Variants in ALDH3B1 observed in about 807,000 individuals in gnomAD.
The protein encoded by ALDH3B1 is aldehyde dehydrogenase family 3 member B1.
Under a neutral mutation model 46.2 loss-of-function variants are expected in ALDH3B1, and 37 were observed. The observed-to-expected ratio is 0.80, with a 90% CI of 0.62 to 1.05. ALDH3B1 has a LOEUF of 1.05. ALDH3B1 is among the 50% of genes least tolerant of loss of function. The pLI is 0.00. For synonymous variants in ALDH3B1, 283 were observed against 281.0 expected (o/e 1.01, Z -0.07); for missense variants, 603 against 665.5 (o/e 0.91, Z 1.03).
chr11:68,011,038 C>T (rs1857218917), intron 1 of ALDH3B1, among the ~76,000 whole-genome samples: 1 of 152,224 alleles, frequency 6.6e-6, no homozygotes. Flanking sequence ...ATACGCTGGT[C>T]CCTGGCTCCC....
In ALDH3B1 at chr11:68,021,528, G is replaced by A; in HGVS notation, c.606G>A (p.Lys202=). The change falls in exon 7 of 10, where the codon AAG becomes AAA. Residue 202 remains lysine, a synonymous_variant. Coordinates refer to ENST00000342456, the MANE Select transcript of ALDH3B1 (RefSeq NM_000694.4). ...VGKIVMTAAA[K]HLTPVTLELG... ...AGATTGTTATGACTGCTGCCGCCAA[G>A]CACCTGACACCTGTCACCCTGGAGC... is the stretch of plus-strand genomic sequence containing the variant. 6 of 1,613,918 alleles carry A rather than the reference G, an allele frequency of 3.7e-6. No individual in the cohort carries two copies. The highest frequency in any genetic ancestry group is 5.1e-6 in the Non-Finnish European group (6 of 1,179,908).
rs1857421436 is a variant in ALDH3B1, at chr11:68,018,974, G to A, written c.394+81G>A. On this transcript the variant is annotated intron_variant, in intron 4 of 9. Coordinates refer to ENST00000342456, the MANE Select transcript of ALDH3B1 (RefSeq NM_000694.4). ...CACCCATGGATCCCAGGAGGACATG[G>A]GAGAACTGGCCCAGGTGGCAAAGAG... The A allele has an allele frequency of 6.7e-6, 10 of 1,502,268 alleles. No individual in the cohort carries two copies. In the South Asian group the frequency reaches 1.3e-4, roughly 19 times the overall value. 93.1% of individuals were successfully genotyped at this position (1,502,268 alleles called of 1,614,324 possible).
chr11:68,010,933 C>G (rs1857216315), intron 1 of ALDH3B1, among the ~76,000 whole-genome samples: 1 of 152,216 alleles, frequency 6.6e-6, no homozygotes, highest in Non-Finnish European at 1.5e-5. Flanking sequence ...GCAGGAGGCA[C>G]TTCTCATCCC....
chr11:68,016,777 C>T (rs901703518), intron 2 of ALDH3B1: 1 of 152,334 alleles, frequency 6.6e-6, no homozygotes, highest in Non-Finnish European at 1.5e-5. Flanking sequence ...GGGACTGACT[C>T]CCCCGCCACC....
At chr11:68,012,043 G>T (rs537046650) in intron 1 of ALDH3B1, among the ~76,000 whole-genome samples, 145 of 152,346 alleles carry the variant, frequency 9.5e-4, no homozygotes, top group Middle Eastern at 3.4e-3. Flanking sequence ...GCCATGCTGG[G>T]AGGATGCTCT....
rs893829234 is a variant in ALDH3B1, at chr11:68,018,532, C to G, written c.168C>G (p.Ala56=). The change falls in exon 3 of 10, where the codon GCC becomes GCG. Residue 56 remains alanine, a synonymous_variant. Coordinates refer to ENST00000342456, the MANE Select transcript of ALDH3B1 (RefSeq NM_000694.4). ...ACCCCACCCACTTCCTGCAGTCAGCCTTCGAGTCGGAGGTGTCTGAGGTTG... is the reference window on the plus strand; with the variant it reads ...ACCCCACCCACTTCCTGCAGTCAGCGTTCGAGTCGGAGGTGTCTGAGGTTG... ...DALAQDLHKS[A]FESEVSEVAI... 1.5e-5 allele frequency: 23 copies of G among 1,569,700 alleles called. No homozygotes were observed. The highest frequency in any genetic ancestry group is 1.8e-5 in the Non-Finnish European group (21 of 1,157,464).
Position 68,021,725 on chromosome 11 carries a change from T to C in ALDH3B1, c.803T>C (p.Ile268Thr). ...ERLLPALQST[I>T]TRFYGDDPQS... Reference sequence around the variant, plus strand: ...CTGCTGCCTGCCCTGCAGAGCACCATCACCCGTTTCTATGGCGACGACCCC... The same window carrying C: ...CTGCTGCCTGCCCTGCAGAGCACCACCACCCGTTTCTATGGCGACGACCCC... Residue 268 changes from isoleucine (I) to threonine (T), a missense_variant, in exon 7 of 10, where the codon ATC becomes ACC. Transcript: ENST00000342456. The C allele has an allele frequency of 1.2e-6, 2 of 1,614,084 alleles. No individual in the cohort carries two copies. The highest frequency in any genetic ancestry group is 1.7e-6 in the Non-Finnish European group (2 of 1,180,002).
chr11:68,014,380 A>G (rs1261247467), intron 1 of ALDH3B1, among the ~76,000 whole-genome samples: 3 of 152,192 alleles, frequency 2.0e-5, no homozygotes, highest in Non-Finnish European at 2.9e-5. Context: ...ATCTGGAGGA[A>G]AGGGACTCGG....
chr11:68,016,823 A>C (rs956487551), intron 2 of ALDH3B1: 1 of 152,298 alleles, frequency 6.6e-6, no homozygotes, highest in Non-Finnish European at 1.5e-5. Flanking sequence ...GCCGGCCTTC[A>C]TGAGACTTGA....
At chr11:68,027,659 C>A in intron 9 of ALDH3B1, 90 bp from the exon 10 acceptor site, 1 of 1,332,058 alleles carries the variant, frequency 7.5e-7, no homozygotes. Flanking sequence ...AACTGAGGCT[C>A]AGAGGGGAGA....
At chr11:68,015,557 A>C in intron 2 of ALDH3B1, 98 bp downstream of exon 2, 2 of 1,497,592 alleles carry the variant, frequency 1.3e-6, no homozygotes, top group Non-Finnish European at 1.8e-6. Flanking sequence ...GCCCTCCATG[A>C]AGCGGGGCTA....
intron 2 of ALDH3B1, 144 bp downstream of exon 2, chr11:68,015,603 C>A (rs1302666653): frequency 2.0e-6 from 2 of 1,014,056 alleles, no homozygotes; most frequent in East Asian, 5.2e-5. Flanking sequence ...GCCACCCTTG[C>A]ACATTCATCC....
At chr11:68,017,189 C>G (rs1857370699) in intron 2 of ALDH3B1, 1 of 152,362 alleles carries the variant, frequency 6.6e-6, no homozygotes, top group African/African-American at 2.4e-5. Context: ...AAGTCAGGTC[C>G]CAGGTGACCT....
At chr11:68,019,646 G>A in intron 5 of ALDH3B1, 69 bp from the exon 6 acceptor site, 6 of 1,555,066 alleles carry the variant, frequency 3.9e-6, no homozygotes, top group Non-Finnish European at 3.5e-6. Flanking sequence ...GGTCCAGGCA[G>A]GGCGGGCTGC....
At chr11:68,012,400 G>A (rs1436218740) in intron 1 of ALDH3B1, among the ~76,000 whole-genome samples, 1 of 152,178 alleles carries the variant, frequency 6.6e-6, no homozygotes, top group African/African-American at 2.4e-5. Flanking sequence ...TGGCCCCCAG[G>A]CCAGAGGAAA....
At position 68,025,614 on chromosome 11, in the gene ALDH3B1, C is replaced by T. The variant is rs1307887786; in HGVS notation, c.1117-395C>T. Among the ~76,000 whole-genome samples the T allele has an allele frequency of 2.0e-5, 3 of 152,112 alleles. No individual in the cohort carries two copies. In the East Asian group the frequency reaches 5.8e-4, roughly 29 times the overall value. On this transcript the variant is annotated intron_variant, in intron 8 of 9. Transcript: ENST00000342456. ...CCTCTTTGCCTGAACAACTTCTGTC[C>T]CTCCCAGTCCCTCCACTCAGCAGGC...
At chr11:68,017,251 T>C (rs1336484903) in intron 2 of ALDH3B1, 1 of 152,180 alleles carries the variant, frequency 6.6e-6, no homozygotes, top group Admixed American at 6.5e-5. Flanking sequence ...GCACAGGCTG[T>C]GGGAAAGTCC....
intron 6 of ALDH3B1, among the ~76,000 whole-genome samples, chr11:68,020,387 C>T (rs1159056897): frequency 6.6e-6 from 1 of 152,168 alleles, no homozygotes; most frequent in Non-Finnish European, 1.5e-5. Context: ...GCATGTACCA[C>T]CACGCCCGGC....
Position 68,026,041 on chromosome 11 carries a change from C to A in ALDH3B1, c.1149C>A (p.Ser383Arg), listed in dbSNP as rs2286163. ...VVKRVLTQTS[S>R]GGFCGNDGFM... Reference sequence around the variant, plus strand: ...AGCGGGTGCTGACCCAGACCAGCAGCGGGGGCTTCTGTGGGAACGACGGCT... The same window carrying A: ...AGCGGGTGCTGACCCAGACCAGCAGAGGGGGCTTCTGTGGGAACGACGGCT... Residue 383 changes from serine (S) to arginine (R), a missense_variant, in exon 9 of 10, where the codon AGC becomes AGA. Coordinates refer to ENST00000342456, the MANE Select transcript of ALDH3B1 (RefSeq NM_000694.4). 1 of 1,607,770 alleles carries A rather than the reference C, an allele frequency of 6.2e-7. No homozygotes were observed. Among genetic ancestry groups the A allele is most frequent in the Non-Finnish European group, 8.5e-7 (1 of 1,176,996 alleles).
Sources: allele counts gnomAD v4.1 joint callset (sites outside exome capture counted in the v4.1 genomes callset), GRCh38; gene constraint gnomAD v4.1.1; transcripts MANE v1.5; gene names NCBI Gene and HGNC (gene_info 2026-07-23, HGNC 2026-07-21).